CACNA2D4: variants seen among roughly 807,000 people sequenced by gnomAD.
CACNA2D4 encodes the protein calcium voltage-gated channel auxiliary subunit alpha2delta 4.
CACNA2D4 carries 157 observed loss-of-function variants against 163.8 expected under a neutral mutation model. That is an observed-to-expected ratio of 0.96 (90% CI 0.84 to 1.09). The LOEUF (loss-of-function observed/expected upper bound fraction) is 1.09. Ranked by LOEUF, CACNA2D4 falls within the 50% of genes least tolerant of loss-of-function variation. The probability of loss-of-function intolerance (pLI) is 0.00; values close to 1 mark genes in which losing one functional copy is unlikely to be tolerated. For missense variants in CACNA2D4, 1,410 were observed against 1,479.9 expected, an observed-to-expected ratio of 0.95 and a Z score of 0.78; for synonymous variants, 598 against 586.9, an observed-to-expected ratio of 1.02 and a Z score of -0.27.
At chr12:1,849,893 TATAG>T (rs2154448103) in intron 23 of CACNA2D4, among the ~76,000 whole-genome samples, 1 of 152,246 alleles carries the variant, frequency 6.6e-6, no homozygotes, top group East Asian at 1.9e-4. Context: ...AGTGGCAGTA[TATAG>T]AGATATTCTA....
intron 6 of CACNA2D4, among the ~76,000 whole-genome samples, chr12:1,895,705 C>T (rs932291086): frequency 1.6e-4 from 25 of 152,144 alleles, no homozygotes; most frequent in African/African-American, 4.8e-4. Context: ...GTGCAAGACT[C>T]ACAGCAGTCT....
At chr12:1,856,357 A>T in intron 20 of CACNA2D4, 128 bp from the exon 21 acceptor site, 1 of 943,486 alleles carries the variant, frequency 1.1e-6, no homozygotes, top group Non-Finnish European at 1.7e-6. Flanking sequence ...TCTTGCTCTT[A>T]GCTCACAGTA....
rs1864513489 is a variant in CACNA2D4, at chr12:1,829,350, G to A, written c.2551+11389C>T. On this transcript the variant is annotated intron_variant, in intron 26 of 37. Transcript: ENST00000382722. This position sits in a 1 kb window ranked among gnomAD's most constrained non-coding sequence, Gnocchi z 4.2. ...GCTGATTTTCAAATGGCTTGGGGTG[G>A]TGGTATGGGGCTGGCTGATCTGGTA... 6.6e-6 allele frequency among the ~76,000 whole-genome samples: 1 copy of A among 152,164 alleles called. No homozygotes were observed. Among genetic ancestry groups the A allele is most frequent in the Non-Finnish European group, 1.5e-5 (1 of 68,026 alleles).
chr12:1,799,794 G>T lies in CACNA2D4; in HGVS notation c.2975-99C>A. 1 of 1,441,862 alleles carries T rather than the reference G, an allele frequency of 6.9e-7. No individual in the cohort carries two copies. 89.3% of individuals were successfully genotyped at this position (1,441,862 alleles called of 1,614,324 possible). A position where few individuals can be genotyped will look rare whatever the true frequency, so the allele number is the denominator to read the frequency against. ...CATGGGGTGGTGATGATGGCACATG[G>T]AGTGGCGGTGTCCCAAGATGATGTC... On this transcript the variant is annotated intron_variant, in intron 33 of 37. Transcript: ENST00000382722. The surrounding 1 kb of genome is among the most constrained non-coding windows in gnomAD (Gnocchi z 4.7).
rs1419484658 is a variant in CACNA2D4, at chr12:1,846,663, G to T, written c.2273C>A (p.Ala758Asp). ...GAGGCCAGCCCGGGTGCCCAGGAAG[G>T]CCATGTCCACCACGTGTTCAGACTC... ...SEESEHVVDMAFLGTRAGLLR... is the reference protein window; with the variant it reads ...SEESEHVVDMDFLGTRAGLLR... Residue 758 changes from alanine (A) to aspartate (D), a missense_variant, in exon 24 of 38, where the codon GCC becomes GAC. Ala to Asp is a moderately radical substitution (Grantham distance 126, BLOSUM62 -2). Transcript: ENST00000382722. 12 of 1,601,970 alleles carry T rather than the reference G, an allele frequency of 7.5e-6. No homozygotes were observed. Among genetic ancestry groups the T allele is most frequent in the African/African-American group, 1.3e-5 (1 of 74,784 alleles).
chr12:1,887,091 CT>C, intron 6 of CACNA2D4, 22 bp from the exon 7 acceptor site: 1 of 1,542,588 alleles, frequency 6.5e-7, no homozygotes, highest in Non-Finnish European at 8.8e-7. Flanking sequence ...AAGACTCGTT[CT>C]TTTACTAGCT....
At position 1,833,544 on chromosome 12, in the gene CACNA2D4, C is replaced by T. The variant is rs1864723010; in HGVS notation, c.2551+7195G>A. On this transcript the variant is annotated intron_variant, in intron 26 of 37. Transcript: ENST00000382722. The surrounding 1 kb of genome is among the most constrained non-coding windows in gnomAD (Gnocchi z 4.2). Reference sequence around the variant, plus strand: ...TCAACACCAGCCTCCTCTCCTTGGCCTCGTGTGCCTCCAGGATTCCCCCTC... The same window carrying T: ...TCAACACCAGCCTCCTCTCCTTGGCTTCGTGTGCCTCCAGGATTCCCCCTC... Among the ~76,000 whole-genome samples the T allele has an allele frequency of 6.6e-6, 1 of 152,194 alleles. No homozygotes were observed. Among genetic ancestry groups the T allele is most frequent in the African/African-American group, 2.4e-5 (1 of 41,450 alleles).
At position 1,828,080 on chromosome 12, in the gene CACNA2D4, G is replaced by A. The variant is rs1471811793; in HGVS notation, c.2551+12659C>T. The A allele has an allele frequency of 1.4e-6, 2 of 1,420,414 alleles. No individual in the cohort carries two copies. The highest frequency in any genetic ancestry group is 2.6e-5 in the East Asian group (1 of 38,386). The allele number at this position is 1,420,414 out of a possible 1,614,324, so 88.0% of individuals were successfully genotyped here. On this transcript the variant is annotated intron_variant, in intron 26 of 37. Coordinates refer to ENST00000382722, the MANE Select transcript of CACNA2D4 (RefSeq NM_172364.5). This position sits in a 1 kb window ranked among gnomAD's most constrained non-coding sequence, Gnocchi z 4.2. ...CAGTGCTCCTCCCTCCCTCAGGACT[G>A]ACAGGCGGCGCACCCAGGGGCTCCT...
chr12:1,826,412 C>T lies in CACNA2D4; in HGVS notation c.2551+14327G>A, dbSNP rs963078751. On this transcript the variant is annotated intron_variant, in intron 26 of 37. Coordinates refer to ENST00000382722, the MANE Select transcript of CACNA2D4 (RefSeq NM_172364.5). ...ATTTGAACCCAGAGCCCCCCCCCCCCCCCCGCCAACTGGCACCAGGAGCCC... is the reference window on the plus strand; with the variant it reads ...ATTTGAACCCAGAGCCCCCCCCCCCTCCCCGCCAACTGGCACCAGGAGCCC... Among the ~76,000 whole-genome samples the T allele has an allele frequency of 2.6e-4, 11 of 41,720 alleles. 1 individual carries two copies. Among genetic ancestry groups the T allele is most frequent in the Non-Finnish European group, 4.6e-4 (5 of 10,946 alleles). The allele number at this position is 41,720 out of a possible 152,430, so 27.4% of individuals were successfully genotyped here.
intron 26 of CACNA2D4, among the ~76,000 whole-genome samples, chr12:1,825,922 C>T (rs1435314636): frequency 2.6e-5 from 4 of 152,316 alleles, no homozygotes; most frequent in East Asian, 1.9e-4. Context: ...TTGATATGGA[C>T]ATTCTTGACT....
At chr12:1,808,756 G>A (rs1040728045) in intron 29 of CACNA2D4, among the ~76,000 whole-genome samples, 1 of 152,200 alleles carries the variant, frequency 6.6e-6, no homozygotes, top group Non-Finnish European at 1.5e-5. Context: ...AGAGGGGTCG[G>A]AGCACGAATG....
chr12:1,801,560 T>G lies in CACNA2D4; in HGVS notation c.2792+14A>C. 4 of 1,567,516 alleles carry G rather than the reference T, an allele frequency of 2.6e-6. No individual in the cohort carries two copies. The highest frequency in any genetic ancestry group is 3.5e-6 in the Non-Finnish European group (4 of 1,152,434). ...TGTGTCTATTTGGACTGGGGAGGAGTGTGCCCCACTTACTGGCTGAACACC... is the reference window on the plus strand; with the variant it reads ...TGTGTCTATTTGGACTGGGGAGGAGGGTGCCCCACTTACTGGCTGAACACC... On this transcript the variant is annotated intron_variant, in intron 30 of 37. Transcript: ENST00000382722.
At chr12:1,831,356 C>T (rs749820740) in intron 26 of CACNA2D4, 4 of 1,613,964 alleles carry the variant, frequency 2.5e-6, no homozygotes, top group Non-Finnish European at 3.4e-6. Context: ...TCGACGGGCT[C>T]CTGGCTCTGC....
At chr12:1,812,408 C>T (rs1036522135) in intron 26 of CACNA2D4, among the ~76,000 whole-genome samples, 2 of 152,128 alleles carry the variant, frequency 1.3e-5, no homozygotes, top group South Asian at 4.1e-4. Flanking sequence ...CTTGGAGAAC[C>T]CAAGCAGGTG....
rs993094182 is a variant in CACNA2D4, at chr12:1,863,598, G to A, written c.1879-3392C>T. The stretch of plus-strand genomic sequence containing the variant: ...TACTTTTTTCTTTGATATTCTTTCC[G>A]CAATGTTTTGTAGTTTTCAGTGTAG... On this transcript the variant is annotated intron_variant, in intron 18 of 37. Transcript: ENST00000382722. 2.8e-4 allele frequency among the ~76,000 whole-genome samples: 42 copies of A among 152,046 alleles called. 1 individual carries two copies. Among genetic ancestry groups the A allele is most frequent in the Admixed American group, 1.2e-3 (18 of 15,280 alleles).
intron 18 of CACNA2D4, among the ~76,000 whole-genome samples, chr12:1,867,094 CT>C (rs1237480888): frequency 6.6e-6 from 1 of 152,018 alleles, no homozygotes; most frequent in East Asian, 1.9e-4. Flanking sequence ...TGTAATGCAT[CT>C]TTTTTCCTTT....
At chr12:1,884,468 C>A in intron 11 of CACNA2D4, 147 bp from the exon 12 acceptor site, 2 of 701,754 alleles carry the variant, frequency 2.8e-6, no homozygotes. Flanking sequence ...CAGGCAGCAA[C>A]ACAATTCGCC....
chr12:1,810,427 T>G, intron 28 of CACNA2D4, 87 bp from the exon 29 acceptor site: 1 of 1,523,894 alleles, frequency 6.6e-7, no homozygotes, highest in Non-Finnish European at 9.0e-7. Context: ...GAAGGCAGCG[T>G]GGGAGCTTCA....
rs1488958650 is a variant in CACNA2D4, at chr12:1,797,415, T to C, written c.3113+3A>G. The C allele has an allele frequency of 2.6e-6, 4 of 1,533,580 alleles. No homozygotes were observed. 95.0% of individuals were successfully genotyped at this position (1,533,580 alleles called of 1,614,324 possible). A position where few individuals can be genotyped will look rare whatever the true frequency, so the allele number is the denominator to read the frequency against. On this transcript the variant is annotated splice_donor_region_variant and intron_variant, in intron 35 of 37. Transcript: ENST00000382722. ...GACGGGCGGCGCCGCCCTGCGGTCT[T>C]ACTTCTGGCAGGGCCCGCACTCCAC...
Sources: gnomAD v4.1 joint callset for allele counts (sites outside exome capture counted in the v4.1 genomes callset) on GRCh38, gnomAD v4.1.1 for gene constraint, Gnocchi (gnomAD v3.1) non-coding constraint, MANE v1.5 for transcripts, NCBI Gene and HGNC (gene_info 2026-07-23, HGNC 2026-07-21) for gene names.